TTC23L: variants seen among roughly 807,000 people sequenced by gnomAD.
TTC23L encodes the protein tetratricopeptide repeat domain 23 like, also known as tetratricopeptide repeat protein 23-like.
TTC23L carries 42 observed loss-of-function variants against 48.1 expected under a neutral mutation model. The ratio of observed to expected loss-of-function variants is 0.87; its 90% CI spans 0.68 to 1.13. The LOEUF is 1.13. Ranked by LOEUF, TTC23L falls within the 50% of genes most tolerant of loss-of-function variation. The pLI is 0.00. For missense variants in TTC23L, 391 were observed against 421.0 expected (o/e 0.93, Z 0.62); for synonymous variants, 159 against 157.2 (o/e 1.01, Z -0.09).
chr5:34,922,988 C>G, the TTC23L span: 1 of 1,502,534 alleles, frequency 6.7e-7, no homozygotes, highest in Non-Finnish European at 9.2e-7. Flanking sequence ...ATATGCTTAC[C>G]TTATTTTTAT....
intron 4 of TTC23L, among the ~76,000 whole-genome samples, chr5:34,854,538 G>A (rs143678471): frequency 2.6e-5 from 4 of 152,294 alleles, no homozygotes; most frequent in Non-Finnish European, 4.4e-5. Flanking sequence ...GCTCCACTCA[G>A]TGTTGTTGTC....
chr5:34,846,947 T>G (rs1387125673), intron 3 of TTC23L, among the ~76,000 whole-genome samples: 1 of 151,780 alleles, frequency 6.6e-6, no homozygotes, highest in Non-Finnish European at 1.5e-5. Flanking sequence ...AAGACTTGAG[T>G]CAAAGATCTC....
chr5:34,914,536 C>G, the TTC23L span: 1 of 712,018 alleles, frequency 1.4e-6, no homozygotes, highest in Non-Finnish European at 2.2e-6. Flanking sequence ...ACGTTTTGTT[C>G]TCTAACTTAA....
At chr5:34,925,484 A>T in the TTC23L span, 1 of 1,609,598 alleles carries the variant, frequency 6.2e-7, no homozygotes, top group South Asian at 1.1e-5. Flanking sequence ...GGACAGTGGG[A>T]AAACAAAATA....
At chr5:34,851,406 A>G (rs760370726) in intron 4 of TTC23L, among the ~76,000 whole-genome samples, 8 of 152,214 alleles carry the variant, frequency 5.3e-5, no homozygotes, top group Non-Finnish European at 8.8e-5. Context: ...TTAGGGCTCT[A>G]TAGGCCCTTT....
chr5:34,904,078 G>A (rs1035339932), downstream of TTC23L, among the ~76,000 whole-genome samples: 5 of 151,412 alleles, frequency 3.3e-5, no homozygotes, highest in Non-Finnish European at 7.4e-5. Flanking sequence ...CAATCCTCCC[G>A]CCTTAGCCTC....
chr5:34,840,675 C>G (rs1380703119), exon 2 of TTC23L: 1 of 1,613,750 alleles, frequency 6.2e-7, no homozygotes, highest in East Asian at 2.2e-5. Context: ...GAAGAAGATG[C>G]AAGCCAGCCC....
In TTC23L at chr5:34,879,476, C is replaced by T. The variant is rs577266457; in HGVS notation, c.950-705C>T. On this transcript the variant is annotated intron_variant, in intron 8 of 10. Transcript: ENST00000505624. ...ATTTAAAATACTTATAAAATCACAA[C>T]TTACTCCCTCCCAGCACCCCCCAAA... Among the ~76,000 whole-genome samples the T allele has an allele frequency of 3.3e-5, 5 of 152,274 alleles. No homozygotes were observed. In the East Asian group the frequency reaches 9.6e-4, roughly 29 times the overall value.
chr5:34,905,556 A>G, the TTC23L span: 2 of 143,002 alleles, frequency 1.4e-5, no homozygotes, highest in East Asian at 4.2e-4. Context: ...CGGTGGAAGC[A>G]CTACATCATC....
chr5:34,897,916 G>A (rs1280608428), intron 10 of TTC23L, among the ~76,000 whole-genome samples: 1 of 152,172 alleles, frequency 6.6e-6, no homozygotes, highest in African/African-American at 2.4e-5. Flanking sequence ...TATGACTTCA[G>A]TGCATCCCTA....
intron 4 of TTC23L, 139 bp from the exon 5 acceptor site, chr5:34,862,759 C>T (rs1366359557): frequency 2.0e-6 from 2 of 1,003,540 alleles, no homozygotes; most frequent in Admixed American, 5.6e-5. Context: ...AATTCTGATT[C>T]ACAGCCAGAT....
chr5:34,878,067 A>G (rs191540164), intron 8 of TTC23L, among the ~76,000 whole-genome samples: 70 of 152,298 alleles, frequency 4.6e-4, no homozygotes, highest in South Asian at 4.4e-3. Flanking sequence ...TTAAAACAAT[A>G]CCATTTACAT....
intron 9 of TTC23L, chr5:34,888,504 G>A (rs1762668648): frequency 1.0e-6 from 1 of 985,020 alleles, no homozygotes; most frequent in African/African-American, 1.8e-5. Flanking sequence ...AGTAGAAGTA[G>A]GGAGACAAAG....
chr5:34,894,281 G>T (rs1349771285), intron 9 of TTC23L, among the ~76,000 whole-genome samples: 1 of 151,874 alleles, frequency 6.6e-6, no homozygotes, highest in Non-Finnish European at 1.5e-5. Context: ...AGCAAACAAT[G>T]GGAAAAAAAT....
At chr5:34,902,314 G>C (rs149834586), downstream of TTC23L, 306 of 231,790 alleles carry the variant, frequency 1.3e-3, no homozygotes, top group African/African-American at 6.3e-3. Context: ...TGCTTGGGAG[G>C]CTGAGACAGG....
At chr5:34,909,171 A>G in the TTC23L span, 1 of 1,088,220 alleles carries the variant, frequency 9.2e-7, no homozygotes, top group Non-Finnish European at 1.3e-6. Flanking sequence ...ATTTTAATTA[A>G]CAGATTGAAA....
intron 2 of TTC23L, 93 bp downstream of exon 2, chr5:34,840,832 A>C: frequency 8.3e-7 from 1 of 1,198,570 alleles, no homozygotes; most frequent in Non-Finnish European, 1.2e-6. Flanking sequence ...GGAGCTTTGC[A>C]TGAGAAGCGT....
chr5:34,903,964 A>G (rs898700667), downstream of TTC23L, among the ~76,000 whole-genome samples: 2 of 151,854 alleles, frequency 1.3e-5, no homozygotes, highest in Non-Finnish European at 2.9e-5. Flanking sequence ...AAATATTGTT[A>G]TTTTTATTTT....
At chr5:34,861,881 A>T (rs1452957542) in intron 4 of TTC23L, among the ~76,000 whole-genome samples, 1 of 152,092 alleles carries the variant, frequency 6.6e-6, no homozygotes, top group African/African-American at 2.4e-5. Context: ...CAGTCTTCCC[A>T]AGTCTACCTC....
Sources: allele counts gnomAD v4.1 joint callset (sites outside exome capture counted in the v4.1 genomes callset), GRCh38; gene constraint gnomAD v4.1.1; transcripts MANE v1.5; gene names NCBI Gene and HGNC (gene_info 2026-07-23, HGNC 2026-07-21).